Variants in UGP2 observed in about 807,000 individuals in gnomAD.
The protein encoded by UGP2 is UTP--glucose-1-phosphate uridylyltransferase.
UGP2 carries 40 observed loss-of-function variants against 49.0 expected under a neutral mutation model. The observed-to-expected ratio is 0.82, with a 90% CI of 0.63 to 1.06. The LOEUF is 1.06. Among genes scored for constraint, UGP2 ranks in the 50% least tolerant of loss-of-function variants. UGP2 has a pLI of 0.00. For missense variants in UGP2, 460 were observed against 603.5 expected (o/e 0.76, Z 2.49); for synonymous variants, 225 against 213.0 (o/e 1.06, Z -0.49).
intron 9 of UGP2, 68 bp downstream of exon 9, chr2:63,890,253 A>G (rs910066693): frequency 1.4e-5 from 16 of 1,161,394 alleles, no homozygotes; most frequent in East Asian, 4.9e-5. Context: ...CTAGTCATAA[A>G]TTTACATTTA....
At chr2:63,862,689 T>C (rs998487344) in intron 3 of UGP2, among the ~76,000 whole-genome samples, 1 of 152,122 alleles carries the variant, frequency 6.6e-6, no homozygotes, top group African/African-American at 2.4e-5. Flanking sequence ...TCCCACAGAA[T>C]TGAATTCATT....
At chr2:63,849,111 A>G (rs1668873479) in intron 1 of UGP2, among the ~76,000 whole-genome samples, 1 of 152,214 alleles carries the variant, frequency 6.6e-6, no homozygotes, top group Admixed American at 6.5e-5. Flanking sequence ...TGTGTAAATC[A>G]AGAGAATTGT....
chr2:63,887,056 G>C (rs554839879), intron 7 of UGP2, among the ~76,000 whole-genome samples: 2 of 152,222 alleles, frequency 1.3e-5, no homozygotes, highest in South Asian at 2.1e-4. Flanking sequence ...CAGATCACTT[G>C]AGGCCAGGAC....
chr2:63,858,035 T>A, intron 3 of UGP2, 99 bp downstream of exon 3: 1 of 1,085,580 alleles, frequency 9.2e-7, no homozygotes, highest in Non-Finnish European at 1.4e-6. Context: ...AACAATCATG[T>A]GAGACAAGAC....
At chr2:63,886,041 T>C (rs569960574) in intron 6 of UGP2, among the ~76,000 whole-genome samples, 155 bp downstream of exon 6, 1 of 152,314 alleles carries the variant, frequency 6.6e-6, no homozygotes, top group African/African-American at 2.4e-5. Context: ...CCATAATAAA[T>C]AGTATCAAAA....
Position 63,886,477 on chromosome 2 carries a change from C to G in UGP2, c.1010C>G (p.Ala337Gly). The G allele has an allele frequency of 6.2e-7, 1 of 1,614,142 alleles. No individual in the cohort carries two copies. Among genetic ancestry groups the G allele is most frequent in the Non-Finnish European group, 8.5e-7 (1 of 1,180,010 alleles). ...ACAAACAACCTATGGATTTCTCTTG[C>G]AGCAGTTAAAAGACTGCAGGAGCAA... is the stretch of plus-strand genomic sequence containing the variant. ...FNTNNLWISL[A>G]AVKRLQEQNA... Residue 337 changes from alanine to glycine, a missense_variant, in exon 7 of 10, where the codon GCA becomes GGA. Coordinates refer to ENST00000337130, the MANE Select transcript of UGP2 (RefSeq NM_006759.4).
intron 1 of UGP2, chr2:63,856,081 G>C: frequency 2.4e-6 from 1 of 419,490 alleles, no homozygotes; most frequent in Middle Eastern, 6.6e-4. Context: ...GAGGCACCTT[G>C]GAATTGCCAA....
At position 63,842,127 on chromosome 2, in the gene UGP2, T is replaced by A; in HGVS notation, c.-59T>A. ...AGGAGAGGAAGAGAGACCTGCCCTG[T>A]AGCGTGACTCCTCTAGAAAAAAAAA... is the stretch of plus-strand genomic sequence containing the variant. On this transcript the variant is annotated 5_prime_UTR_variant, in exon 1 of 10. Transcript: ENST00000337130. 1 of 1,558,212 alleles carries A rather than the reference T, an allele frequency of 6.4e-7. No individual in the cohort carries two copies. The highest frequency in any genetic ancestry group is 8.6e-7 in the Non-Finnish European group (1 of 1,161,704).
At chr2:63,860,380 T>G (rs1434990667) in intron 3 of UGP2, among the ~76,000 whole-genome samples, 1 of 152,202 alleles carries the variant, frequency 6.6e-6, no homozygotes, top group Non-Finnish European at 1.5e-5. Context: ...TATAACTGCT[T>G]TTTTGCAACA....
intron 3 of UGP2, among the ~76,000 whole-genome samples, chr2:63,858,689 G>A (rs1023196984): frequency 6.6e-6 from 1 of 151,884 alleles, no homozygotes; most frequent in African/African-American, 2.4e-5. Flanking sequence ...TGACCCTAGT[G>A]AATGAATTGT....
chr2:63,855,668 A>C, intron 1 of UGP2: 1 of 441,042 alleles, frequency 2.3e-6, no homozygotes, highest in South Asian at 1.6e-5. Flanking sequence ...CAGCCTTCCA[A>C]GTAGCTGGGA....
At chr2:63,852,516 G>A (rs985715034) in intron 1 of UGP2, among the ~76,000 whole-genome samples, 1 of 152,238 alleles carries the variant, frequency 6.6e-6, no homozygotes, top group Non-Finnish European at 1.5e-5. Context: ...TTTGAGACAT[G>A]CCTGGATAAG....
At chr2:63,874,880 C>T (rs1670810531) in intron 3 of UGP2, among the ~76,000 whole-genome samples, 1 of 151,934 alleles carries the variant, frequency 6.6e-6, no homozygotes, top group Non-Finnish European at 1.5e-5. Context: ...GTGGAAGATT[C>T]CGGAGGTGCT....
At chr2:63,863,609 CAA>C (rs1465534307) in intron 3 of UGP2, among the ~76,000 whole-genome samples, 5 of 152,140 alleles carry the variant, frequency 3.3e-5, no homozygotes, top group Non-Finnish European at 5.9e-5. Flanking sequence ...GTTTTAAAAT[CAA>C]CTTTTAATTT....
intron 9 of UGP2, 134 bp downstream of exon 9, chr2:63,890,319 T>TGGACC: frequency 1.6e-6 from 1 of 625,466 alleles, no homozygotes; most frequent in East Asian, 2.9e-5. Flanking sequence ...GTAATTATTT[T>TGGACC]ACTGAAATGA....
At chr2:63,882,916 A>C (rs912860158) in intron 4 of UGP2, among the ~76,000 whole-genome samples, 11 of 152,254 alleles carry the variant, frequency 7.2e-5, no homozygotes, top group African/African-American at 2.2e-4. Flanking sequence ...CCACTGCTCT[A>C]CCCACTTTCT....
At chr2:63,842,248 TTTGGGTAC>T in intron 1 of UGP2, 44 bp downstream of exon 1, 1 of 1,607,806 alleles carries the variant, frequency 6.2e-7, no homozygotes, top group Non-Finnish European at 8.5e-7. Context: ...TTCAGGCAAA[TTTGGGTAC>T]TGACAGTGGA....
chr2:63,882,804 T>A (rs537756764), intron 4 of UGP2, 153 bp downstream of exon 4: 178 of 766,932 alleles, frequency 2.3e-4, no homozygotes, highest in Middle Eastern at 4.3e-4. Context: ...AGGTTTAGTG[T>A]TCTTAAGGGC....
At chr2:63,870,320 T>G (rs1456771704) in intron 3 of UGP2, among the ~76,000 whole-genome samples, 3 of 152,226 alleles carry the variant, frequency 2.0e-5, no homozygotes, top group African/African-American at 4.8e-5. Flanking sequence ...TTATAATTTA[T>G]AAGTGGTAGA....
Sources: allele counts gnomAD v4.1 joint callset (sites outside exome capture counted in the v4.1 genomes callset), GRCh38; gene constraint gnomAD v4.1.1; transcripts MANE v1.5; gene names NCBI Gene and HGNC (gene_info 2026-07-23, HGNC 2026-07-21).